IGF1R: variants seen among roughly 807,000 people sequenced by gnomAD.
IGF1R encodes the protein insulin like growth factor 1 receptor.
A neutral mutation model predicts 144.6 loss-of-function variants in IGF1R; 44 were observed. The ratio of observed to expected loss-of-function variants is 0.30; its 90% CI spans 0.24 to 0.39. The LOEUF (loss-of-function observed/expected upper bound fraction) is 0.39. IGF1R is among the 10% of genes least tolerant of loss of function. The pLI is 1.00. For synonymous variants in IGF1R, 795 were observed against 722.8 expected (o/e 1.10, Z -1.60); for missense variants, 1,355 against 1,833.7 (o/e 0.74, Z 4.77).
intron 2 of IGF1R, among the ~76,000 whole-genome samples, chr15:98,711,717 G>A (rs1267768098): frequency 2.0e-5 from 3 of 152,060 alleles, no homozygotes; most frequent in Non-Finnish European, 2.9e-5. Context: ...CACAGGTGCC[G>A]CTTCTCTGTC....
Position 98,899,497 on chromosome 15 carries a change from G to T in IGF1R, c.1123G>T (p.Glu375Ter). The change falls in exon 5 of 21, where the codon GAG becomes TAG. Residue 375 changes from glutamate (E) to a stop codon, truncating the protein, a stop_gained. Transcript: ENST00000650285. LOFTEE classifies it high-confidence loss of function. Reference sequence around the variant, plus strand: ...TGTAGATAACATTGCTTCAGAGCTGGAGAACTTCATGGGGCTCATCGAGGT... The same window carrying T: ...TGTAGATAACATTGCTTCAGAGCTGTAGAACTTCATGGGGCTCATCGAGGT... ...RRGNNIASEL[E>*]NFMGLIEVVT... The T allele has an allele frequency of 6.2e-7, 1 of 1,614,154 alleles. No homozygotes were observed. Among genetic ancestry groups the T allele is most frequent in the Non-Finnish European group, 8.5e-7 (1 of 1,180,034 alleles).
At chr15:98,655,819 A>G (rs1303347793) in intron 1 of IGF1R, among the ~76,000 whole-genome samples, 1 of 151,186 alleles carries the variant, frequency 6.6e-6, no homozygotes, top group Non-Finnish European at 1.5e-5. Flanking sequence ...CCCAGGCTCC[A>G]GTGATCCTCC....
At chr15:98,760,398 A>G (rs1380919808) in intron 2 of IGF1R, among the ~76,000 whole-genome samples, 1 of 152,232 alleles carries the variant, frequency 6.6e-6, no homozygotes, top group Middle Eastern at 3.2e-3. Flanking sequence ...TAATTACTAT[A>G]GTGGTGGCAT....
At chr15:98,697,255 T>C (rs2053615585) in intron 1 of IGF1R, among the ~76,000 whole-genome samples, 1 of 152,208 alleles carries the variant, frequency 6.6e-6, no homozygotes, top group African/African-American at 2.4e-5. Context: ...CGGTTGTGGC[T>C]TCTGCCCTTG....
chr15:98,771,791 G>C (rs1029081394), intron 2 of IGF1R, among the ~76,000 whole-genome samples: 1 of 152,118 alleles, frequency 6.6e-6, no homozygotes, highest in Non-Finnish European at 1.5e-5. Flanking sequence ...TTATTGGTTT[G>C]GTTATTGGCA....
chr15:98,804,743 G>A (rs938252410), intron 2 of IGF1R, among the ~76,000 whole-genome samples: 10 of 152,156 alleles, frequency 6.6e-5, no homozygotes, highest in African/African-American at 2.2e-4. Flanking sequence ...ATGGAGTTTC[G>A]CTGGAGTGCA....
intron 2 of IGF1R, among the ~76,000 whole-genome samples, chr15:98,746,030 CT>C (rs766631177): frequency 2.6e-5 from 4 of 152,214 alleles, no homozygotes; most frequent in Non-Finnish European, 4.4e-5. Flanking sequence ...AAATGGAATG[CT>C]CTGCTGCTGA....
chr15:98,866,891 GTGTTTT>G (rs1441099752), intron 2 of IGF1R, among the ~76,000 whole-genome samples: 1 of 152,190 alleles, frequency 6.6e-6, no homozygotes. Context: ...CGTGGAGGAA[GTGTTTT>G]TGTTTTTGTG....
At chr15:98,804,366 C>G (rs368833341) in intron 2 of IGF1R, among the ~76,000 whole-genome samples, 1 of 152,190 alleles carries the variant, frequency 6.6e-6, no homozygotes, top group African/African-American at 2.4e-5. Context: ...AATAACGTTA[C>G]AAGTAACCCG....
At chr15:98,906,506 C>A (rs185469440) in intron 5 of IGF1R, among the ~76,000 whole-genome samples, 47 of 152,288 alleles carry the variant, frequency 3.1e-4, no homozygotes, top group African/African-American at 1.1e-3. Context: ...TCCCTCCTTC[C>A]GTTGTATGAC....
At chr15:98,897,140 A>T (rs2014240822) in intron 4 of IGF1R, 1 of 540,702 alleles carries the variant, frequency 1.8e-6, no homozygotes, top group South Asian at 2.0e-5. Context: ...AAAGAGGGTC[A>T]TCGCTCATCT....
chr15:98,786,806 T>TA (rs749092928), intron 2 of IGF1R, among the ~76,000 whole-genome samples: 3 of 152,202 alleles, frequency 2.0e-5, no homozygotes, highest in Non-Finnish European at 4.4e-5. Flanking sequence ...GGTGCCTGCA[T>TA]GACTGTAGGA....
chr15:98,804,110 G>A (rs967241148), intron 2 of IGF1R, among the ~76,000 whole-genome samples: 6 of 152,180 alleles, frequency 3.9e-5, no homozygotes, highest in Non-Finnish European at 8.8e-5. Context: ...TCTTTGAAAC[G>A]CTGTTAGCTG....
intron 1 of IGF1R, among the ~76,000 whole-genome samples, chr15:98,706,020 C>T (rs985127964): frequency 1.4e-4 from 22 of 152,214 alleles, no homozygotes; most frequent in Non-Finnish European, 3.1e-4. Flanking sequence ...CTTTGGGAGC[C>T]GGCCTGTGTG....
chr15:98,650,536 G>A (rs1429178143), intron 1 of IGF1R, among the ~76,000 whole-genome samples: 2 of 152,254 alleles, frequency 1.3e-5, no homozygotes, highest in Non-Finnish European at 2.9e-5. Flanking sequence ...GGGGTACTAG[G>A]GCCGCATCCG....
chr15:98,842,236 GTTC>G lies in IGF1R; in HGVS notation c.641-49088_641-49086del, dbSNP rs2141533661. Among the ~76,000 whole-genome samples, 2 of 152,232 alleles carry G rather than the reference GTTC, an allele frequency of 1.3e-5. 1 individual carries two copies. Among genetic ancestry groups the G allele is most frequent in the East Asian group, 3.9e-4 (2 of 5,178 alleles). On this transcript the variant is annotated intron_variant, in intron 2 of 20. Coordinates refer to ENST00000650285, the MANE Select transcript of IGF1R (RefSeq NM_000875.5). ...AGCTCAAAAATCTGTGCTTGTATAC[GTTC>G]ATTTTTTGTTTTTACTTCTTTACTT...
Position 98,762,849 on chromosome 15 carries a change from C to T in IGF1R, c.640+54742C>T, listed in dbSNP as rs575086329. Among the ~76,000 whole-genome samples, 4 of 151,810 alleles carry T rather than the reference C, an allele frequency of 2.6e-5. No homozygotes were observed. The South Asian group carries it at 8.3e-4, about 32-fold the overall frequency. ...GATCACAAGGTCAAGAGATCAAGACCATCCTGGCCAACATGGTGAAACCCC... is the reference window on the plus strand; with the variant it reads ...GATCACAAGGTCAAGAGATCAAGACTATCCTGGCCAACATGGTGAAACCCC... On this transcript the variant is annotated intron_variant, in intron 2 of 20. Coordinates refer to ENST00000650285, the MANE Select transcript of IGF1R (RefSeq NM_000875.5).
chr15:98,716,879 GC>G (rs2054130613), intron 2 of IGF1R, among the ~76,000 whole-genome samples: 1 of 152,132 alleles, frequency 6.6e-6, no homozygotes, highest in Non-Finnish European at 1.5e-5. Flanking sequence ...CATGGGGCTG[GC>G]CAGGCCTCAC....
chr15:98,739,811 C>T (rs1468579992), intron 2 of IGF1R, among the ~76,000 whole-genome samples: 11 of 152,144 alleles, frequency 7.2e-5, no homozygotes, highest in African/African-American at 2.4e-4. Flanking sequence ...AGGCTGTTCT[C>T]GAATTCCTGA....
Sources: gnomAD v4.1 joint callset for allele counts (sites outside exome capture counted in the v4.1 genomes callset) on GRCh38, gnomAD v4.1.1 for gene constraint, MANE v1.5 for transcripts, NCBI Gene and HGNC (gene_info 2026-07-23, HGNC 2026-07-21) for gene names.